The following PEMT variants were observed in gnomAD, a reference collection of about 807,000 sequenced individuals.
PEMT encodes the protein phospholipid methyltransferase.
In PEMT, 23 loss-of-function variants were observed where a neutral mutation model predicts 27.4. The ratio of observed to expected loss-of-function variants is 0.84; its 90% CI spans 0.60 to 1.19. The LOEUF is 1.19. Ranked by LOEUF, PEMT falls within the 50% of genes most tolerant of loss-of-function variation. The pLI is 0.00. For synonymous variants in PEMT, 137 were observed against 139.1 expected, an observed-to-expected ratio of 0.98 and a Z score of 0.11; for missense variants, 307 against 310.1, an observed-to-expected ratio of 0.99 and a Z score of 0.07.
chr17:17,583,075 A>G (rs1161537863), intron 1 of PEMT, among the ~76,000 whole-genome samples: 1 of 150,960 alleles, frequency 6.6e-6, no homozygotes, highest in African/African-American at 2.4e-5. Flanking sequence ...AAAAAAAAAA[A>G]AGAAGAAGTT....
In PEMT at chr17:17,524,393, G is replaced by A. The variant is rs979772106; in HGVS notation, c.205-1998C>T. On this transcript the variant is annotated intron_variant, in intron 2 of 6. Coordinates refer to ENST00000255389, the MANE Select transcript of PEMT (RefSeq NM_148172.3). ...GCTGCCCCATTTTCCAGCCCCACCAGCAATGCATGAAGATTCTAGTTTCTC... is the reference window on the plus strand; with the variant it reads ...GCTGCCCCATTTTCCAGCCCCACCAACAATGCATGAAGATTCTAGTTTCTC... 2.2e-4 allele frequency among the ~76,000 whole-genome samples: 33 copies of A among 152,090 alleles called. 1 individual carries two copies. Among genetic ancestry groups the A allele is most frequent in the Non-Finnish European group, 4.4e-5 (3 of 68,036 alleles).
At chr17:17,535,770 AGCTGGGCATTGGGTAC>A (rs1908420956) in intron 2 of PEMT, among the ~76,000 whole-genome samples, 1 of 152,216 alleles carries the variant, frequency 6.6e-6, no homozygotes, top group Admixed American at 6.6e-5. Flanking sequence ...GAATTCTTGA[AGCTGGGCATTGGGTAC>A]GGTGGTGCAG....
intron 2 of PEMT, among the ~76,000 whole-genome samples, chr17:17,570,029 C>T (rs1258541725): frequency 6.6e-6 from 1 of 152,230 alleles, no homozygotes; most frequent in Non-Finnish European, 1.5e-5. Flanking sequence ...CACAATGGAG[C>T]CTCACCTTGT....
intron 2 of PEMT, among the ~76,000 whole-genome samples, chr17:17,556,378 C>CT (rs11301881): frequency 6.0e-4 from 87 of 145,766 alleles, no homozygotes; most frequent in East Asian, 1.0e-3. Context: ...CTCTCTCTCA[C>CT]TTTTTTTTTT....
intron 2 of PEMT, among the ~76,000 whole-genome samples, chr17:17,563,771 G>A (rs965143251): frequency 2.0e-5 from 3 of 152,116 alleles, no homozygotes; most frequent in Non-Finnish European, 4.4e-5. Context: ...AAGACCAAAC[G>A]CCTTTCTAAG....
In PEMT at chr17:17,521,727, C is replaced by T. The variant is rs149823415; in HGVS notation, c.320+553G>A. Reference sequence around the variant, plus strand: ...TTACAGGCGCATGCACCACCATGCCCGGCTAATTTTTGTATTTTTAGTAGA... The same window carrying T: ...TTACAGGCGCATGCACCACCATGCCTGGCTAATTTTTGTATTTTTAGTAGA... On this transcript the variant is annotated intron_variant, in intron 3 of 6. Transcript: ENST00000255389. 2.4e-4 allele frequency among the ~76,000 whole-genome samples: 37 copies of T among 152,184 alleles called. No individual in the cohort carries two copies. In the East Asian group the frequency reaches 3.3e-3, roughly 14 times the overall value.
At chr17:17,541,962 C>T (rs1224407004) in intron 2 of PEMT, among the ~76,000 whole-genome samples, 1 of 152,214 alleles carries the variant, frequency 6.6e-6, no homozygotes, top group Non-Finnish European at 1.5e-5. Context: ...GGGCACAGCC[C>T]ACCTTCCTCT....
intron 5 of PEMT, chr17:17,508,665 G>A: frequency 2.6e-6 from 1 of 378,822 alleles, no homozygotes; most frequent in East Asian, 1.1e-4. Context: ...GGCTGGGTAT[G>A]AAGCCGAGGG....
intron 1 of PEMT, among the ~76,000 whole-genome samples, chr17:17,581,694 C>A (rs1911986796): frequency 6.6e-6 from 1 of 152,180 alleles, no homozygotes; most frequent in East Asian, 1.9e-4. Context: ...GTATCCACCC[C>A]CTCCCCCCTC....
intron 2 of PEMT, among the ~76,000 whole-genome samples, chr17:17,557,350 T>C (rs1321162657): frequency 1.3e-5 from 2 of 152,208 alleles, no homozygotes; most frequent in Admixed American, 1.3e-4. Flanking sequence ...CCTTGCTTCA[T>C]TATGAAAGGG....
intron 2 of PEMT, among the ~76,000 whole-genome samples, chr17:17,555,339 C>T (rs898805613): frequency 1.3e-5 from 2 of 152,184 alleles, no homozygotes; most frequent in African/African-American, 2.4e-5. Context: ...CACGGGGAAG[C>T]GGAGGAGATG....
At chr17:17,556,148 A>G (rs1172776941) in intron 2 of PEMT, among the ~76,000 whole-genome samples, 1 of 152,202 alleles carries the variant, frequency 6.6e-6, no homozygotes, top group Non-Finnish European at 1.5e-5. Flanking sequence ...TGTCCCCCAG[A>G]CCATGAGCTC....
intron 2 of PEMT, among the ~76,000 whole-genome samples, chr17:17,567,405 T>C (rs4646357): frequency 0.63 from 95,932 of 152,274 alleles, 31,241 homozygotes; most frequent in African/African-American, 0.8. Flanking sequence ...GCACACAGAG[T>C]AATGCTGCTG....
At chr17:17,557,973 A>AC (rs1479352389) in intron 2 of PEMT, among the ~76,000 whole-genome samples, 1 of 152,136 alleles carries the variant, frequency 6.6e-6, no homozygotes, top group Non-Finnish European at 1.5e-5. Flanking sequence ...AAACACCAGA[A>AC]CCCCAAGAGC....
intron 3 of PEMT, among the ~76,000 whole-genome samples, chr17:17,517,193 T>G (rs560583069): frequency 1.3e-5 from 2 of 152,062 alleles, no homozygotes; most frequent in Non-Finnish European, 1.5e-5. Context: ...GGGGAGTCCC[T>G]AAGCAAAGAC....
Position 17,505,652 on chromosome 17 carries a change from G to C in PEMT, c.*139C>G. On this transcript the variant is annotated 3_prime_UTR_variant, in exon 7 of 7. Coordinates refer to ENST00000255389, the MANE Select transcript of PEMT (RefSeq NM_148172.3). ...CGGCACGTCCAGGGTCCCCAAGGCA[G>C]CAGGTTCCAAGGCACTGGGGCAGCC... The C allele has an allele frequency of 1.1e-6, 1 of 931,924 alleles. No individual in the cohort carries two copies. Among genetic ancestry groups the C allele is most frequent in the East Asian group, 3.1e-5 (1 of 31,810 alleles). The allele number at this position is 931,924 out of a possible 1,614,324, so 57.7% of individuals were successfully genotyped here.
In PEMT at chr17:17,527,825, C is replaced by A. The variant is rs377167484; in HGVS notation, c.205-5430G>T. On this transcript the variant is annotated intron_variant, in intron 2 of 6. Coordinates refer to ENST00000255389, the MANE Select transcript of PEMT (RefSeq NM_148172.3). ...AGACAGACCTGTGCCACACTGGGCTCGCCGGCTGCCAGGCCTCTCCCCTCT... is the reference window on the plus strand; with the variant it reads ...AGACAGACCTGTGCCACACTGGGCTAGCCGGCTGCCAGGCCTCTCCCCTCT... Among the ~76,000 whole-genome samples the A allele has an allele frequency of 2.6e-5, 4 of 152,318 alleles. No individual in the cohort carries two copies. In the South Asian group the frequency reaches 8.3e-4, roughly 32 times the overall value.
chr17:17,505,906 G>C (rs910615281), intron 6 of PEMT, 58 bp from the exon 7 acceptor site: 86 of 1,546,636 alleles, frequency 5.6e-5, no homozygotes, highest in Non-Finnish European at 7.5e-5. Flanking sequence ...CCCACTGCCC[G>C]CACCAGAGCT....
At chr17:17,545,361 G>A (rs183308552) in intron 2 of PEMT, among the ~76,000 whole-genome samples, 5 of 152,318 alleles carry the variant, frequency 3.3e-5, no homozygotes, top group African/African-American at 4.8e-5. Flanking sequence ...TCTCCAGCAC[G>A]TTGCATGCTC....
Sources: allele counts gnomAD v4.1 joint callset (sites outside exome capture counted in the v4.1 genomes callset), GRCh38; gene constraint gnomAD v4.1.1; transcripts MANE v1.5; gene names NCBI Gene and HGNC (gene_info 2026-07-23, HGNC 2026-07-21).